The following HMGB1 variants were observed in gnomAD, a reference collection of about 807,000 sequenced individuals.
HMGB1 encodes high mobility group box 1, also known as high mobility group protein B1.
For missense variants in HMGB1, 79 were observed against 253.5 expected (o/e 0.31, Z 4.67); for synonymous variants, 81 against 84.0 (o/e 0.96, Z 0.19).
chr13:30,470,085 T>A (rs1886885256), upstream of HMGB1, among the ~76,000 whole-genome samples: 1 of 143,854 alleles, frequency 7.0e-6, no homozygotes, highest in African/African-American at 2.6e-5. Context: ...GTGCTGGCTA[T>A]TTTTTTTTTT....
In HMGB1 at chr13:30,478,723, T is replaced by C. The variant is rs1212254034; in HGVS notation, c.-14-15029A>G. ...GCTCTGTTGCCCAGGCTGGAGTGCA[T>C]TGGCACAATCATAGCTCACTGCAGC... On this transcript the variant is annotated intron_variant, in intron 1 of 4. Transcript: ENST00000405805. 2.0e-5 allele frequency among the ~76,000 whole-genome samples: 3 copies of C among 152,088 alleles called. 1 individual carries two copies. Among genetic ancestry groups the C allele is most frequent in the Non-Finnish European group, 4.4e-5 (3 of 67,992 alleles).
At chr13:30,515,248 A>C (rs1424156427) in intron 1 of HMGB1, among the ~76,000 whole-genome samples, 1 of 152,222 alleles carries the variant, frequency 6.6e-6, no homozygotes, top group Non-Finnish European at 1.5e-5. Flanking sequence ...GCCACAAGGA[A>C]GTGGATTCTG....
intron 1 of HMGB1, among the ~76,000 whole-genome samples, chr13:30,537,696 T>TATATATATATATAA: frequency 8.0e-6 from 1 of 125,730 alleles, no homozygotes; most frequent in Non-Finnish European, 1.7e-5. Flanking sequence ...TATATATATA[T>TATATATATATATAA]AAAATTGATG....
exon 1 of HMGB1, chr13:30,617,489 C>T (rs1375770104): frequency 6.6e-6 from 1 of 152,254 alleles, no homozygotes; most frequent in Non-Finnish European, 1.5e-5. Flanking sequence ...CCCTCTCCCA[C>T]CTCCGCGGGT....
chr13:30,501,230 C>A (rs1887727479), intron 1 of HMGB1, among the ~76,000 whole-genome samples: 1 of 152,000 alleles, frequency 6.6e-6, no homozygotes, highest in African/African-American at 2.4e-5. Context: ...TACTTTTAAG[C>A]TATATATATA....
chr13:30,603,438 C>T (rs756742840), intron 1 of HMGB1, among the ~76,000 whole-genome samples: 2 of 152,194 alleles, frequency 1.3e-5, no homozygotes, highest in African/African-American at 4.8e-5. Flanking sequence ...TATGACCACA[C>T]TAAGTCTTAT....
At chr13:30,581,812 G>T (rs1283259964) in intron 1 of HMGB1, among the ~76,000 whole-genome samples, 2 of 152,162 alleles carry the variant, frequency 1.3e-5, no homozygotes, top group African/African-American at 4.8e-5. Flanking sequence ...CAAGTGCTCA[G>T]CTATGCATTT....
intron 1 of HMGB1, among the ~76,000 whole-genome samples, chr13:30,582,079 A>G (rs1870923343): frequency 6.6e-6 from 1 of 152,190 alleles, no homozygotes; most frequent in Non-Finnish European, 1.5e-5. Context: ...GAAGGTAGCA[A>G]AACAAGACAT....
chr13:30,538,563 CTTCTT>C lies in HMGB1; in HGVS notation c.-14-74874_-14-74870del, dbSNP rs1566018887. Among the ~76,000 whole-genome samples the C allele has an allele frequency of 7.8e-4, 59 of 75,298 alleles. 1 individual carries two copies. The highest frequency in any genetic ancestry group is 4.8e-3 in the African/African-American group (58 of 12,000). The allele number at this position is 75,298 out of a possible 152,430, so 49.4% of individuals were successfully genotyped here. A position where few individuals can be genotyped will look rare whatever the true frequency, so the allele number is the denominator to read the frequency against. On this transcript the variant is annotated intron_variant, in intron 1 of 4. Coordinates refer to the HMGB1 transcript ENST00000405805. ...TTTCTTTCTTTCTTTCTTTTTCTTT[CTTCTT>C]TTTCTTTCTTTCTTTCTTTTTCTTT...
rs372593407 is a variant in HMGB1, at chr13:30,461,492, T to C, written c.513A>G (p.Ala171=). ...AYRAKGKPDA[A]KKGVVKAEKS... is the part of the protein sequence containing the mutation. The stretch of plus-strand genomic sequence containing the variant: ...TTTCAGCCTTGACAACTCCCTTTTT[T>C]GCTGCATCAGGCTTTCCTTTAGCTC... The change falls in exon 5 of 5, where the codon GCA becomes GCG. Residue 171 remains alanine, a synonymous_variant. Coordinates refer to ENST00000341423, the MANE Select transcript of HMGB1 (RefSeq NM_002128.7). 1.9e-5 allele frequency: 29 copies of C among 1,565,572 alleles called. No homozygotes were observed. In the African/African-American group the frequency reaches 3.9e-4, roughly 21 times the overall value.
At chr13:30,504,383 C>T (rs544646523) in intron 1 of HMGB1, among the ~76,000 whole-genome samples, 8 of 152,184 alleles carry the variant, frequency 5.3e-5, no homozygotes, top group Admixed American at 6.5e-5. Context: ...TTGTTTTTCA[C>T]GCTTAATATT....
chr13:30,507,085 A>G (rs1887886299), intron 1 of HMGB1, among the ~76,000 whole-genome samples: 1 of 152,202 alleles, frequency 6.6e-6, no homozygotes, highest in African/African-American at 2.4e-5. Flanking sequence ...AATGGCATTC[A>G]AGGCCCTCCT....
chr13:30,470,793 C>A (rs914236953), upstream of HMGB1, among the ~76,000 whole-genome samples: 3 of 151,962 alleles, frequency 2.0e-5, no homozygotes, highest in Non-Finnish European at 4.4e-5. Context: ...GGATCACAGG[C>A]GTGTGCCACC....
intron 1 of HMGB1, among the ~76,000 whole-genome samples, chr13:30,526,942 C>T (rs1328501088): frequency 1.3e-5 from 2 of 152,256 alleles, no homozygotes; most frequent in Admixed American, 6.5e-5. Flanking sequence ...AATGTCTGCT[C>T]ATTCCTAACC....
intron 1 of HMGB1, among the ~76,000 whole-genome samples, chr13:30,575,025 A>G (rs773723610): frequency 2.6e-5 from 4 of 152,210 alleles, no homozygotes; most frequent in Non-Finnish European, 5.9e-5. Context: ...ATCTTAATTG[A>G]TATATTAAAA....
In HMGB1 at chr13:30,504,022, A is replaced by ATT. The variant is rs56320755; in HGVS notation, c.-14-40330_-14-40329dup. ...GGGAGCACCCATGGAAAAAATCACC[A>ATT]TTTTTTTTTTTAAGGGGAGTCAAGA... On this transcript the variant is annotated intron_variant, in intron 1 of 4. Coordinates refer to the HMGB1 transcript ENST00000405805. Among the ~76,000 whole-genome samples, 700 of 148,332 alleles carry ATT rather than the reference A, an allele frequency of 4.7e-3. 3 individuals carry two copies. The highest frequency in any genetic ancestry group is 0.012 in the African/African-American group (505 of 40,714).
chr13:30,468,347 C>T (rs1459492992), upstream of HMGB1, among the ~76,000 whole-genome samples: 1 of 152,130 alleles, frequency 6.6e-6, no homozygotes, highest in African/African-American at 2.4e-5. Context: ...CCTACACCTC[C>T]TGGTTCAATC....
intron 1 of HMGB1, among the ~76,000 whole-genome samples, chr13:30,585,632 C>T (rs535117510): frequency 1.3e-5 from 2 of 151,008 alleles, no homozygotes; most frequent in African/African-American, 4.9e-5. Context: ...CAGCCAAGAT[C>T]GAACTCCAGC....
At chr13:30,571,860 C>T (rs1317491054) in intron 1 of HMGB1, among the ~76,000 whole-genome samples, 2 of 151,970 alleles carry the variant, frequency 1.3e-5, no homozygotes, top group African/African-American at 2.4e-5. Flanking sequence ...CGTTCCTACA[C>T]TTATAATGAG....
Sources: gnomAD v4.1 joint callset for allele counts (sites outside exome capture counted in the v4.1 genomes callset) on GRCh38, gnomAD v4.1.1 for gene constraint, MANE v1.5 for transcripts, NCBI Gene and HGNC (gene_info 2026-07-23, HGNC 2026-07-21) for gene names.